KMT2E: variants seen among roughly 807,000 people sequenced by gnomAD.
KMT2E encodes lysine methyltransferase 2E (inactive), also known as histone reader KMT2E.
Under a neutral mutation model 184.6 loss-of-function variants are expected in KMT2E, and 30 were observed. The ratio of observed to expected loss-of-function variants is 0.16; its 90% CI spans 0.12 to 0.22. KMT2E has a LOEUF of 0.22. Among genes scored for constraint, KMT2E ranks in the 10% least tolerant of loss-of-function variants. KMT2E has a pLI of 1.00. For missense variants in KMT2E, 2,023 were observed against 2,237.4 expected, an observed-to-expected ratio of 0.90 and a Z score of 1.93; for synonymous variants, 815 against 776.5, an observed-to-expected ratio of 1.05 and a Z score of -0.82.
At chr7:105,087,319 C>T (rs1798025833) in intron 13 of KMT2E, among the ~76,000 whole-genome samples, 1 of 140,166 alleles carries the variant, frequency 7.1e-6, no homozygotes, top group Non-Finnish European at 1.5e-5. Context: ...ATAAATATAG[C>T]ATATATTACA....
intron 13 of KMT2E, 149 bp from the exon 14 acceptor site, chr7:105,089,860 T>C (rs1798129741): frequency 8.6e-7 from 1 of 1,162,578 alleles, no homozygotes; most frequent in Admixed American, 3.3e-5. Context: ...TTTGTGGTAG[T>C]TAACTAGGAA....
rs369222358 is a variant in KMT2E at position 105,073,842 on chromosome 7, AT to A, written c.556+175del. Among the ~76,000 whole-genome samples, 362 of 150,238 alleles carry A rather than the reference AT, an allele frequency of 2.4e-3. 1 individual carries two copies. Among genetic ancestry groups the A allele is most frequent in the African/African-American group, 7.9e-3 (323 of 41,068 alleles). ...GCAATCTCTGGTATAGATTTCAAGT[AT>A]TTTTTTTTTCACGTATTATAGAATA... On this transcript the variant is annotated intron_variant, in intron 7 of 26. Coordinates refer to ENST00000311117, the MANE Select transcript of KMT2E (RefSeq NM_182931.3).
intron 15 of KMT2E, among the ~76,000 whole-genome samples, chr7:105,096,644 G>A (rs1443643905): frequency 6.6e-6 from 1 of 151,108 alleles, no homozygotes; most frequent in Admixed American, 6.6e-5. Flanking sequence ...TAGCTCCTAG[G>A]GGAATAAAAA....
intron 6 of KMT2E, among the ~76,000 whole-genome samples, chr7:105,068,641 T>G (rs1187310957): frequency 1.8e-5 from 2 of 112,240 alleles, no homozygotes; most frequent in Non-Finnish European, 4.3e-5. Context: ...TTTTTTTTGT[T>G]TTTTTTTTTT....
At chr7:105,106,079 C>CT (rs1278588572) in intron 19 of KMT2E, 76 bp downstream of exon 19, 15 of 1,324,956 alleles carry the variant, frequency 1.1e-5, no homozygotes, top group Non-Finnish European at 1.6e-5. Context: ...AGGCATATTT[C>CT]TAGTTACTGG....
In KMT2E at chr7:105,102,075, A is replaced by G; in HGVS notation, c.2077A>G (p.Ile693Val). 1 of 1,613,944 alleles carries G rather than the reference A, an allele frequency of 6.2e-7. No homozygotes were observed. The highest frequency in any genetic ancestry group is 8.5e-7 in the Non-Finnish European group (1 of 1,179,820). The change falls in exon 17 of 27, where the codon ATT (isoleucine) becomes GTT (valine). Residue 693 changes from isoleucine (I) to valine (V), a missense_variant. By Grantham distance (29) the Ile-to-Val change is conservative. Around this residue, in one of 8 missense-constraint regions of KMT2E, gnomAD observed 514 missense variants for 621.8 expected, o/e 0.83. Coordinates refer to ENST00000311117, the MANE Select transcript of KMT2E (RefSeq NM_182931.3). ...DIEVTSQQND[I>V]ENTVLTIEPE... The stretch of plus-strand genomic sequence containing the variant: ...AGAAGTTACTTCACAACAAAATGAT[A>G]TTGAAAATACTGTACTTACAATAGA...
chr7:105,098,946 A>G (rs967321297), intron 15 of KMT2E, among the ~76,000 whole-genome samples: 1 of 152,194 alleles, frequency 6.6e-6, no homozygotes, highest in African/African-American at 2.4e-5. Context: ...CTATCTCCAG[A>G]GTCAGCTCTA....
chr7:105,062,961 T>G (rs1490708368), intron 4 of KMT2E, among the ~76,000 whole-genome samples: 1 of 151,576 alleles, frequency 6.6e-6, no homozygotes, highest in Non-Finnish European at 1.5e-5. Context: ...TTTATTATTC[T>G]TTAGGCTCCA....
At chr7:105,041,903 T>C (rs1435888036) in intron 3 of KMT2E, among the ~76,000 whole-genome samples, 1 of 152,238 alleles carries the variant, frequency 6.6e-6, no homozygotes, top group Admixed American at 6.5e-5. Flanking sequence ...GATTTGTTTG[T>C]ACTAATTGGA....
Position 105,114,116 on chromosome 7 carries a change from G to C in KMT2E, c.*783G>C, listed in dbSNP as rs917853065. 4 of 152,414 alleles carry C rather than the reference G, an allele frequency of 2.6e-5. No individual in the cohort carries two copies. Among genetic ancestry groups the C allele is most frequent in the African/African-American group, 9.7e-5 (4 of 41,406 alleles). The allele number at this position is 152,414 out of a possible 1,614,324, so 9.4% of individuals were successfully genotyped here. ...TTGTCCTGTACAACTTCTAAGATCG[G>C]GATCTGTGTGTTTCTACAGAAGTTC... On this transcript the variant is annotated 3_prime_UTR_variant, in exon 27 of 27. Transcript: ENST00000311117.
intron 23 of KMT2E, 77 bp from the exon 24 acceptor site, chr7:105,110,203 A>C: frequency 1.8e-6 from 2 of 1,129,846 alleles, no homozygotes; most frequent in South Asian, 2.5e-5. Context: ...GTCTGACAGT[A>C]CATGTTGACT....
At chr7:105,020,351 G>A (rs955681250) in intron 1 of KMT2E, among the ~76,000 whole-genome samples, 3 of 152,086 alleles carry the variant, frequency 2.0e-5, no homozygotes, top group South Asian at 4.1e-4. Flanking sequence ...AGCACTTTGG[G>A]AGGCTGAGGC....
chr7:105,031,695 T>G (rs1750678089), intron 1 of KMT2E, among the ~76,000 whole-genome samples: 1 of 151,664 alleles, frequency 6.6e-6, no homozygotes, highest in African/African-American at 2.4e-5. Context: ...GAGGTTGCAG[T>G]GACTCGAGAT....
chr7:105,083,603 T>C (rs903941227), intron 13 of KMT2E, among the ~76,000 whole-genome samples: 1 of 152,224 alleles, frequency 6.6e-6, no homozygotes, highest in African/African-American at 2.4e-5. Flanking sequence ...ATAAGGGCAG[T>C]CCTGATCATA....
rs1799465326 is a variant in KMT2E at position 105,113,939 on chromosome 7, C to CAA, written c.*607_*608dup. On this transcript the variant is annotated 3_prime_UTR_variant, in exon 27 of 27. Coordinates refer to ENST00000311117, the MANE Select transcript of KMT2E (RefSeq NM_182931.3). ...TTGATATATAGCATTGTACATATGA[C>CAA]AAGTCTTTTGCAAAACTGTGTGATC... 1 of 153,508 alleles carries CAA rather than the reference C, an allele frequency of 6.5e-6. No homozygotes were observed. Among genetic ancestry groups the CAA allele is most frequent in the Non-Finnish European group, 1.5e-5 (1 of 68,228 alleles). The allele number at this position is 153,508 out of a possible 1,614,324, so 9.5% of individuals were successfully genotyped here. A position where few individuals can be genotyped will look rare whatever the true frequency, so the allele number is the denominator to read the frequency against.
chr7:105,043,365 T>A (rs1302373018), intron 3 of KMT2E, among the ~76,000 whole-genome samples: 2 of 150,388 alleles, frequency 1.3e-5, no homozygotes, highest in African/African-American at 4.9e-5. Flanking sequence ...GCCTCCCAAG[T>A]AGCTGGGACT....
intron 19 of KMT2E, 59 bp from the exon 20 acceptor site, chr7:105,106,463 A>C: frequency 6.9e-7 from 1 of 1,445,964 alleles, no homozygotes; most frequent in South Asian, 1.2e-5. Context: ...ATGTGACACA[A>C]ACAGATTTTA....
At chr7:105,082,382 T>C (rs1211064201) in intron 13 of KMT2E, among the ~76,000 whole-genome samples, 1 of 152,216 alleles carries the variant, frequency 6.6e-6, no homozygotes, top group Non-Finnish European at 1.5e-5. Flanking sequence ...ACTTTACTAA[T>C]AGCCTACGGT....
chr7:105,052,947 A>G (rs143555381), intron 3 of KMT2E, among the ~76,000 whole-genome samples: 87 of 152,276 alleles, frequency 5.7e-4, no homozygotes, highest in African/African-American at 1.9e-3. Context: ...TTGAATGCCC[A>G]TATCCTAACT....
Sources: allele counts gnomAD v4.1 joint callset (sites outside exome capture counted in the v4.1 genomes callset), GRCh38; gene constraint gnomAD v4.1.1; regional missense constraint gnomAD v4.1.1; transcripts MANE v1.5; gene names NCBI Gene and HGNC (gene_info 2026-07-23, HGNC 2026-07-21).